Variants in SLC8A1 observed in about 807,000 individuals in gnomAD.
The protein encoded by SLC8A1 is sodium/calcium exchanger 1.
A neutral mutation model predicts 68.3 loss-of-function variants in SLC8A1; 18 were observed. That is an observed-to-expected ratio of 0.26 (90% CI 0.18 to 0.39). The LOEUF (loss-of-function observed/expected upper bound fraction) is 0.39. Among genes scored for constraint, SLC8A1 ranks in the 10% least tolerant of loss-of-function variants. The pLI is 1.00. For missense variants in SLC8A1, 985 were observed against 1,156.7 expected (o/e 0.85, Z 2.15); for synonymous variants, 475 against 415.5 (o/e 1.14, Z -1.74).
At chr2:40,222,010 A>G (rs983972717) in intron 2 of SLC8A1, among the ~76,000 whole-genome samples, 3 of 152,196 alleles carry the variant, frequency 2.0e-5, no homozygotes, top group Non-Finnish European at 4.4e-5. Flanking sequence ...ACAGAATTAG[A>G]AAAAGCTACT....
At chr2:40,286,348 T>G (rs2068308228) in intron 2 of SLC8A1, among the ~76,000 whole-genome samples, 1 of 152,210 alleles carries the variant, frequency 6.6e-6, no homozygotes, top group Non-Finnish European at 1.5e-5. Context: ...GACCAGGATA[T>G]GAAAGACAGA....
At chr2:40,407,317 C>T (rs13031445) in intron 2 of SLC8A1, among the ~76,000 whole-genome samples, 14 of 152,300 alleles carry the variant, frequency 9.2e-5, no homozygotes, top group Middle Eastern at 3.4e-3. Context: ...CTGCCCGCCT[C>T]GGCCTCCCAC....
chr2:40,351,019 C>G (rs557964610), intron 2 of SLC8A1, among the ~76,000 whole-genome samples: 2 of 151,994 alleles, frequency 1.3e-5, no homozygotes, highest in Admixed American at 1.3e-4. Context: ...TATCCCATTG[C>G]CTATAATGCA....
At chr2:40,417,149 T>C (rs1334462268) in intron 2 of SLC8A1, among the ~76,000 whole-genome samples, 2 of 152,134 alleles carry the variant, frequency 1.3e-5, no homozygotes, top group Admixed American at 6.6e-5. Flanking sequence ...GACCAATTGT[T>C]ATTTTTACTT....
intron 2 of SLC8A1, among the ~76,000 whole-genome samples, chr2:40,312,965 T>A (rs1376590829): frequency 6.6e-6 from 1 of 152,094 alleles, no homozygotes; most frequent in Non-Finnish European, 1.5e-5. Flanking sequence ...CACATATGTA[T>A]ATGTGTGTAT....
intron 2 of SLC8A1, among the ~76,000 whole-genome samples, chr2:40,253,209 CTATACATATT>C (rs2063255956): frequency 6.9e-6 from 1 of 144,412 alleles, no homozygotes; most frequent in African/African-American, 2.6e-5. Context: ...GTATACACAT[CTATACATATT>C]TACATATACA....
chr2:40,379,609 C>G (rs535839947), intron 2 of SLC8A1, among the ~76,000 whole-genome samples: 17 of 152,024 alleles, frequency 1.1e-4, no homozygotes, highest in Admixed American at 7.2e-4. Context: ...GAATCTCATT[C>G]CAGACTAATG....
intron 1 of SLC8A1, among the ~76,000 whole-genome samples, chr2:40,463,889 T>C (rs62149447): frequency 0.022 from 2,434 of 110,640 alleles, 26 homozygotes; most frequent in Non-Finnish European, 0.029. Flanking sequence ...CACACACACA[T>C]ATATATATAG....
intron 6 of SLC8A1, among the ~76,000 whole-genome samples, chr2:40,159,167 C>G (rs1400246940): frequency 6.6e-6 from 1 of 152,182 alleles, no homozygotes; most frequent in Non-Finnish European, 1.5e-5. Context: ...TTTCCTGTTC[C>G]CTTCCACAGC....
chr2:40,269,934 G>A (rs927804357), intron 2 of SLC8A1, among the ~76,000 whole-genome samples: 3 of 152,188 alleles, frequency 2.0e-5, no homozygotes, highest in African/African-American at 7.2e-5. Flanking sequence ...ATGGCATGCA[G>A]GGTGAATGGC....
At chr2:40,388,312 A>G (rs1168001034) in intron 2 of SLC8A1, among the ~76,000 whole-genome samples, 3 of 152,188 alleles carry the variant, frequency 2.0e-5, no homozygotes, top group Non-Finnish European at 4.4e-5. Flanking sequence ...CCCGTGAAAC[A>G]TAAGATATAT....
chr2:40,399,303 T>TCTACCCCTCGTCTCCC lies in SLC8A1; in HGVS notation c.1808+29154_1808+29169dup, dbSNP rs577138830. Among the ~76,000 whole-genome samples, 1,316 of 151,850 alleles carry TCTACCCCTCGTCTCCC rather than the reference T, an allele frequency of 8.7e-3. 7 individuals carry two copies. Among genetic ancestry groups the TCTACCCCTCGTCTCCC allele is most frequent in the South Asian group, 0.018 (87 of 4,792 alleles). On this transcript the variant is annotated intron_variant, in intron 2 of 7. Coordinates refer to ENST00000406785, the Ensembl canonical transcript of SLC8A1. ...CTGACACTGTTTTGTGAGGGCCTCC[T>TCTACCCCTCGTCTCCC]CTACCCCTCGTCTCCCCTACCCCTC...
chr2:40,319,183 T>C (rs1469768361), intron 2 of SLC8A1, among the ~76,000 whole-genome samples: 1 of 152,122 alleles, frequency 6.6e-6, no homozygotes, highest in African/African-American at 2.4e-5. Flanking sequence ...GATTGTTTTA[T>C]GAGATGCGTG....
chr2:40,125,635 C>T (rs2037917656), intron 7 of SLC8A1, among the ~76,000 whole-genome samples: 1 of 152,108 alleles, frequency 6.6e-6, no homozygotes, highest in Non-Finnish European at 1.5e-5. Flanking sequence ...ATTCACTTAA[C>T]CTGACAAATA....
chr2:40,396,776 A>AAAAAAAAG, intron 2 of SLC8A1, among the ~76,000 whole-genome samples: 1 of 147,718 alleles, frequency 6.8e-6, no homozygotes, highest in Non-Finnish European at 1.5e-5. Context: ...AAAAAAAAAA[A>AAAAAAAAG]ACAAGAGAAG....
Position 40,403,434 on chromosome 2 carries a change from C to A in SLC8A1, c.1808+25039G>T, listed in dbSNP as rs115759065. Among the ~76,000 whole-genome samples, 412 of 150,942 alleles carry A rather than the reference C, an allele frequency of 2.7e-3. 2 individuals are homozygous for A. Among genetic ancestry groups the A allele is most frequent in the African/African-American group, 9.7e-3 (396 of 41,030 alleles). ...TTCCCCATTCCCCATCCGCCACCCT[C>A]TTTCTACACAACAGGAGCTAATGTC... On this transcript the variant is annotated intron_variant, in intron 2 of 7. Coordinates refer to ENST00000406785, the Ensembl canonical transcript of SLC8A1.
At chr2:40,339,937 GTCAA>G (rs1667160505) in intron 2 of SLC8A1, among the ~76,000 whole-genome samples, 1 of 152,134 alleles carries the variant, frequency 6.6e-6, no homozygotes, top group Non-Finnish European at 1.5e-5. Context: ...ACAAAGCTAG[GTCAA>G]TCAAACACAA....
chr2:40,273,445 C>A (rs1283317349), intron 2 of SLC8A1, among the ~76,000 whole-genome samples: 1 of 152,080 alleles, frequency 6.6e-6, no homozygotes, highest in Non-Finnish European at 1.5e-5. Flanking sequence ...ATGAAGCTTC[C>A]TACGAATGGA....
At chr2:40,222,752 T>C (rs187955498) in intron 2 of SLC8A1, among the ~76,000 whole-genome samples, 1 of 151,878 alleles carries the variant, frequency 6.6e-6, no homozygotes, top group African/African-American at 2.4e-5. Context: ...ATGTGGCCAA[T>C]AAACATATGA....
Sources: gnomAD v4.1 joint callset for allele counts (sites outside exome capture counted in the v4.1 genomes callset) on GRCh38, gnomAD v4.1.1 for gene constraint, MANE v1.5 for transcripts, NCBI Gene and HGNC (gene_info 2026-07-23, HGNC 2026-07-21) for gene names.